UBE2U: variants seen among roughly 807,000 people sequenced by gnomAD.
UBE2U encodes the protein ubiquitin conjugating enzyme E2 U, also known as ubiquitin-conjugating enzyme E2 U.
A neutral mutation model predicts 41.2 loss-of-function variants in UBE2U; 39 were observed. That is an observed-to-expected ratio of 0.95 (90% CI 0.73 to 1.24). The LOEUF (loss-of-function observed/expected upper bound fraction) is 1.24, where lower values mean the gene tolerates loss of function less well. UBE2U is among the 50% of genes most tolerant of loss of function. The pLI is 0.00. For synonymous variants in UBE2U, 107 were observed against 117.8 expected, an observed-to-expected ratio of 0.91 and a Z score of 0.60; for missense variants, 336 against 363.1, an observed-to-expected ratio of 0.93 and a Z score of 0.61.
At chr1:64,251,769 C>T (rs1645014969) in intron 8 of UBE2U, among the ~76,000 whole-genome samples, 1 of 152,150 alleles carries the variant, frequency 6.6e-6, no homozygotes, top group African/African-American at 2.4e-5. Context: ...ATATACAGAG[C>T]TGTGTGTAAT....
chr1:64,224,658 G>A (rs1195402110), intron 6 of UBE2U, among the ~76,000 whole-genome samples: 1 of 151,938 alleles, frequency 6.6e-6, no homozygotes, highest in Non-Finnish European at 1.5e-5. Flanking sequence ...GGGAGGTGGA[G>A]GTTGCAGTGA....
chr1:64,210,261 T>C (rs939110185), intron 3 of UBE2U, among the ~76,000 whole-genome samples: 1 of 152,240 alleles, frequency 6.6e-6, no homozygotes, highest in Non-Finnish European at 1.5e-5. Context: ...TTAACTGTGT[T>C]AGGGCATATG....
intron 5 of UBE2U, among the ~76,000 whole-genome samples, chr1:64,216,180 T>G (rs1441896729): frequency 1.3e-5 from 2 of 152,162 alleles, no homozygotes; most frequent in African/African-American, 4.8e-5. Context: ...TGATCAAGCA[T>G]CTTTTCCAGT....
At chr1:64,222,698 C>G (rs563206871) in intron 6 of UBE2U, among the ~76,000 whole-genome samples, 2 of 152,280 alleles carry the variant, frequency 1.3e-5, no homozygotes, top group Admixed American at 1.3e-4. Context: ...ATGTCTAGTT[C>G]TTAGTTTTTA....
intron 4 of UBE2U, among the ~76,000 whole-genome samples, chr1:64,211,754 T>C (rs1353779346): frequency 6.6e-6 from 1 of 152,204 alleles, no homozygotes; most frequent in African/African-American, 2.4e-5. Context: ...GTTGTGTTAT[T>C]TCTGGTCCTT....
chr1:64,237,429 A>T (rs548038673), intron 7 of UBE2U, among the ~76,000 whole-genome samples: 1 of 152,300 alleles, frequency 6.6e-6, no homozygotes, highest in East Asian at 1.9e-4. Context: ...AGATTACAAA[A>T]TTGCCACAAA....
At position 64,267,252 on chromosome 1, in the gene UBE2U, G is replaced by C. The variant is rs950041670; in HGVS notation, c.*44G>C. 9.2e-6 allele frequency: 13 copies of C among 1,410,526 alleles called. No homozygotes were observed. Among genetic ancestry groups the C allele is most frequent in the Non-Finnish European group, 1.2e-5 (13 of 1,078,206 alleles). The allele number at this position is 1,410,526 out of a possible 1,614,324, so 87.4% of individuals were successfully genotyped here. ...CAAAAAATAAACAGCCTCCGCCATA[G>C]CCCAGCGTTGTGGAGCAATTTTGGA... On this transcript the variant is annotated 3_prime_UTR_variant, in exon 10 of 10. Coordinates refer to ENST00000371077, the MANE Select transcript of UBE2U (RefSeq NM_001366232.2).
chr1:64,239,122 AG>A lies in UBE2U; in HGVS notation c.596-2529del, dbSNP rs1204325476. On this transcript the variant is annotated intron_variant, in intron 7 of 9. Transcript: ENST00000371077. ...AAGAAGAAGAAGAAGAAGAAGAAGA[AG>A]AAGAAGAAGAAGAAGAAGAAGAAGA... 3.1e-3 allele frequency among the ~76,000 whole-genome samples: 76 copies of A among 24,344 alleles called. 1 individual carries two copies. Among genetic ancestry groups the A allele is most frequent in the Middle Eastern group, 0.015 (1 of 68 alleles). The allele number at this position is 24,344 out of a possible 152,430, so 16.0% of individuals were successfully genotyped here. A position where few individuals can be genotyped will look rare whatever the true frequency, so the allele number is the denominator to read the frequency against.
chr1:64,245,847 G>A (rs1286114189), intron 8 of UBE2U, among the ~76,000 whole-genome samples: 1 of 152,076 alleles, frequency 6.6e-6, no homozygotes, highest in Non-Finnish European at 1.5e-5. Context: ...CAGACATTCC[G>A]TAAAGGTGGA....
In UBE2U at chr1:64,225,022, A is replaced by T. The variant is rs562134699; in HGVS notation, c.506+4115A>T. ...TGAGAGAATCCCAATTCTTCCATTT[A>T]CTATGTGACTAAGAAAAGTTAATTT... On this transcript the variant is annotated intron_variant, in intron 6 of 9. Transcript: ENST00000371077. Among the ~76,000 whole-genome samples the T allele has an allele frequency of 5.3e-5, 8 of 152,160 alleles. No homozygotes were observed. In the South Asian group the frequency reaches 1.7e-3, roughly 32 times the overall value.
At chr1:64,228,608 T>C (rs1260241650) in intron 6 of UBE2U, among the ~76,000 whole-genome samples, 1 of 152,122 alleles carries the variant, frequency 6.6e-6, no homozygotes, top group Non-Finnish European at 1.5e-5. Context: ...AAGTTCTATT[T>C]GAAAGTATTT....
intron 8 of UBE2U, among the ~76,000 whole-genome samples, chr1:64,246,508 T>A: frequency 6.6e-6 from 1 of 152,192 alleles, no homozygotes; most frequent in East Asian, 1.9e-4. Flanking sequence ...TTCCCTAAAA[T>A]TAAACCTTGA....
intron 8 of UBE2U, among the ~76,000 whole-genome samples, chr1:64,257,441 A>G (rs1645111684): frequency 6.6e-6 from 1 of 152,198 alleles, no homozygotes; most frequent in Non-Finnish European, 1.5e-5. Flanking sequence ...ACAAAAAAGA[A>G]CGAGATCATG....
chr1:64,234,071 T>C (rs1334338670), intron 7 of UBE2U, among the ~76,000 whole-genome samples: 3 of 152,208 alleles, frequency 2.0e-5, no homozygotes, highest in Non-Finnish European at 4.4e-5. Context: ...TCCACTACCA[T>C]GGTTTTCATT....
intron 8 of UBE2U, among the ~76,000 whole-genome samples, chr1:64,259,947 T>C (rs894528111): frequency 1.3e-5 from 2 of 151,840 alleles, no homozygotes; most frequent in Admixed American, 6.6e-5. Flanking sequence ...TTTGCAGATA[T>C]AAATAGTAAT....
At chr1:64,256,147 A>G (rs112961349) in intron 8 of UBE2U, among the ~76,000 whole-genome samples, 1 of 152,350 alleles carries the variant, frequency 6.6e-6, no homozygotes, top group African/African-American at 2.4e-5. Context: ...AAAACATTCC[A>G]TGCTCATGGA....
chr1:64,220,488 C>T (rs1037844903), intron 5 of UBE2U, among the ~76,000 whole-genome samples: 1 of 152,192 alleles, frequency 6.6e-6, no homozygotes, highest in Non-Finnish European at 1.5e-5. Context: ...CATGTGATTG[C>T]ACAAGATGAG....
intron 8 of UBE2U, among the ~76,000 whole-genome samples, chr1:64,250,205 C>T (rs888094090): frequency 3.9e-5 from 6 of 152,064 alleles, no homozygotes; most frequent in Non-Finnish European, 8.8e-5. Context: ...AAAATAAAAA[C>T]GTTTTTTGAC....
chr1:64,227,203 T>A (rs1557718046), intron 6 of UBE2U, among the ~76,000 whole-genome samples: 1 of 152,156 alleles, frequency 6.6e-6, no homozygotes, highest in Non-Finnish European at 1.5e-5. Context: ...TTCTCCTGAG[T>A]TTTGGAATAA....
Sources: allele counts gnomAD v4.1 joint callset (sites outside exome capture counted in the v4.1 genomes callset), GRCh38; gene constraint gnomAD v4.1.1; transcripts MANE v1.5; gene names NCBI Gene and HGNC (gene_info 2026-07-23, HGNC 2026-07-21).